Variants in VSNL1 observed in about 807,000 individuals in gnomAD.
VSNL1 encodes visinin-like protein 1.
A neutral mutation model predicts 20.4 loss-of-function variants in VSNL1; 6 were observed. That is an observed-to-expected ratio of 0.29 (90% confidence interval 0.16 to 0.58). VSNL1 has a LOEUF of 0.58. Among genes scored for constraint, VSNL1 ranks in the 20% least tolerant of loss-of-function variants. VSNL1 has a pLI of 0.90. For missense variants in VSNL1, 100 were observed against 234.5 expected, an observed-to-expected ratio of 0.43 and a Z score of 3.75; for synonymous variants, 93 against 86.4, an observed-to-expected ratio of 1.08 and a Z score of -0.42.
chr2:17,583,483 A>G (rs1307789588), intron 1 of VSNL1, among the ~76,000 whole-genome samples: 2 of 152,234 alleles, frequency 1.3e-5, no homozygotes, highest in Non-Finnish European at 2.9e-5. Context: ...AAGATGGCCC[A>G]TTTCCTTTCA....
chr2:17,589,859 T>G (rs1339971472), intron 1 of VSNL1, among the ~76,000 whole-genome samples: 1 of 152,190 alleles, frequency 6.6e-6, no homozygotes, highest in Admixed American at 6.5e-5. Flanking sequence ...TTTAAGTCTT[T>G]TCCAAACAAG....
intron 2 of VSNL1, among the ~76,000 whole-genome samples, chr2:17,613,508 C>A (rs2103395383): frequency 6.6e-6 from 1 of 152,304 alleles, no homozygotes; most frequent in African/African-American, 2.4e-5. Flanking sequence ...TGTGATGCAT[C>A]CTCATAACAG....
At chr2:17,573,799 C>G (rs1296775789) in intron 1 of VSNL1, among the ~76,000 whole-genome samples, 1 of 152,202 alleles carries the variant, frequency 6.6e-6, no homozygotes, top group Non-Finnish European at 1.5e-5. Context: ...GGAGATGAGG[C>G]TTTGGAACAA....
In VSNL1 at chr2:17,552,669, C is replaced by CA. The variant is rs991888952; in HGVS notation, c.-6+11759dup. The stretch of plus-strand genomic sequence containing the variant: ...TATATCCACAATAGTATTAGCACAG[C>CA]AAAAAAAATCACTTAATATCATCAA... On this transcript the variant is annotated intron_variant, in intron 1 of 3. Transcript: ENST00000295156. Among the ~76,000 whole-genome samples the CA allele has an allele frequency of 2.8e-4, 42 of 151,732 alleles. 1 individual carries two copies. Among genetic ancestry groups the CA allele is most frequent in the South Asian group, 1.0e-3 (5 of 4,804 alleles).
At chr2:17,643,747 C>A (rs1482303165) in intron 2 of VSNL1, among the ~76,000 whole-genome samples, 3 of 152,102 alleles carry the variant, frequency 2.0e-5, no homozygotes, top group South Asian at 2.1e-4. Flanking sequence ...GGGGTCTGAC[C>A]CAGACCAAAT....
intron 2 of VSNL1, among the ~76,000 whole-genome samples, chr2:17,614,834 G>A (rs1665178529): frequency 6.6e-6 from 1 of 152,226 alleles, no homozygotes; most frequent in South Asian, 2.1e-4. Flanking sequence ...ATAGAGCTGG[G>A]TTCCAAGTTT....
chr2:17,642,807 T>C (rs1255029622), intron 2 of VSNL1, among the ~76,000 whole-genome samples: 1 of 152,246 alleles, frequency 6.6e-6, no homozygotes, highest in African/African-American at 2.4e-5. Context: ...GCCCCTTCTC[T>C]AGAAATTTAG....
chr2:17,566,971 A>C (rs549541853), intron 1 of VSNL1, among the ~76,000 whole-genome samples: 2 of 152,274 alleles, frequency 1.3e-5, no homozygotes, highest in East Asian at 3.9e-4. Context: ...GTATTTTTCC[A>C]TTATTTTATC....
chr2:17,553,315 G>A (rs1663592836), intron 1 of VSNL1, among the ~76,000 whole-genome samples: 2 of 152,092 alleles, frequency 1.3e-5, no homozygotes, highest in African/African-American at 4.8e-5. Flanking sequence ...ATATGAAAAG[G>A]CAGAAAATCT....
intron 2 of VSNL1, 25 bp downstream of exon 2, chr2:17,592,261 T>G: frequency 6.2e-7 from 1 of 1,611,784 alleles, no homozygotes; most frequent in Non-Finnish European, 8.5e-7. Flanking sequence ...AACCTTGTTT[T>G]TATTCCTTAG....
At chr2:17,629,129 C>G (rs1318763661) in intron 2 of VSNL1, among the ~76,000 whole-genome samples, 1 of 152,214 alleles carries the variant, frequency 6.6e-6, no homozygotes, top group East Asian at 1.9e-4. Flanking sequence ...GCCTGGGGCT[C>G]TGGAGCTGTC....
intron 3 of VSNL1, among the ~76,000 whole-genome samples, chr2:17,652,298 A>C (rs1473682482): frequency 6.6e-6 from 1 of 152,246 alleles, no homozygotes; most frequent in Non-Finnish European, 1.5e-5. Context: ...GAATTGCCAG[A>C]AAGGTCAAAG....
intron 1 of VSNL1, among the ~76,000 whole-genome samples, chr2:17,574,957 C>T (rs1308809009): frequency 6.6e-6 from 1 of 152,104 alleles, no homozygotes; most frequent in African/African-American, 2.4e-5. Flanking sequence ...CTTTCTTACC[C>T]TTCTTTCCTT....
intron 2 of VSNL1, among the ~76,000 whole-genome samples, chr2:17,605,499 C>T (rs1304407345): frequency 6.6e-6 from 1 of 152,234 alleles, no homozygotes; most frequent in Non-Finnish European, 1.5e-5. Context: ...AGGAGGAAAC[C>T]TTCTGCTCCT....
intron 2 of VSNL1, among the ~76,000 whole-genome samples, chr2:17,640,472 T>TATC (rs1315144794): frequency 1.3e-5 from 2 of 152,162 alleles, no homozygotes; most frequent in East Asian, 3.9e-4. Context: ...TGCAACCAGA[T>TATC]CTTATCCTAT....
At chr2:17,620,140 CA>C (rs1665322466) in intron 2 of VSNL1, among the ~76,000 whole-genome samples, 1 of 152,166 alleles carries the variant, frequency 6.6e-6, no homozygotes, top group African/African-American at 2.4e-5. Context: ...TCCTGGAAGG[CA>C]CATTGGGAAA....
At chr2:17,582,493 G>C (rs1168082830) in intron 1 of VSNL1, among the ~76,000 whole-genome samples, 1 of 152,128 alleles carries the variant, frequency 6.6e-6, no homozygotes, top group East Asian at 1.9e-4. Flanking sequence ...ATAGGATAAT[G>C]GCTTGAACCA....
intron 2 of VSNL1, among the ~76,000 whole-genome samples, chr2:17,608,687 T>C (rs1205008330): frequency 6.6e-6 from 1 of 152,150 alleles, no homozygotes; most frequent in African/African-American, 2.4e-5. Flanking sequence ...GCGAGACTGA[T>C]GATGAAAACA....
intron 1 of VSNL1, among the ~76,000 whole-genome samples, chr2:17,544,457 T>G (rs1663363711): frequency 6.6e-6 from 1 of 152,230 alleles, no homozygotes; most frequent in Admixed American, 6.5e-5. Flanking sequence ...TTTGGTTTAC[T>G]ACACTGTGAA....
Sources: gnomAD v4.1 joint callset for allele counts (sites outside exome capture counted in the v4.1 genomes callset) on GRCh38, gnomAD v4.1.1 for gene constraint, MANE v1.5 for transcripts, NCBI Gene and HGNC (gene_info 2026-07-23, HGNC 2026-07-21) for gene names.